Variants in SEC24D observed in about 807,000 individuals in gnomAD.
The protein encoded by SEC24D is protein transport protein Sec24D.
A neutral mutation model predicts 116.9 loss-of-function variants in SEC24D; 69 were observed. The observed-to-expected ratio is 0.59, with a 90% CI of 0.49 to 0.72. The LOEUF (loss-of-function observed/expected upper bound fraction) is 0.72. SEC24D is among the 30% of genes least tolerant of loss of function. The pLI, the probability that SEC24D is intolerant of heterozygous loss-of-function variation, is 0.00. For missense variants in SEC24D, 1,131 were observed against 1,264.1 expected (o/e 0.89, Z 1.60); for synonymous variants, 405 against 442.8 (o/e 0.91, Z 1.07).
At position 118,744,162 on chromosome 4, in the gene SEC24D, G is replaced by GA; in HGVS notation, c.1825-5dup. The GA allele has an allele frequency of 2.0e-6, 3 of 1,520,288 alleles. No homozygotes were observed. Among genetic ancestry groups the GA allele is most frequent in the African/African-American group, 1.4e-5 (1 of 70,568 alleles). The allele number at this position is 1,520,288 out of a possible 1,614,324, so 94.2% of individuals were successfully genotyped here. On this transcript the variant is annotated splice_region_variant and splice_polypyrimidine_tract_variant and intron_variant, in intron 14 of 22. Coordinates refer to ENST00000280551, the MANE Select transcript of SEC24D (RefSeq NM_014822.4). ...TTGTTTGGGGCTGGAAAAGTATCTG[G>GA]AAAAAAGATGCAAAAAAAAAGAAAA...
rs1726116290 is a variant in SEC24D, at chr4:118,739,258, A to G, written c.2268T>C (p.Gly756=). The change falls in exon 18 of 23, where the codon GGT becomes GGC. Residue 756 remains glycine (G), a synonymous_variant. Transcript: ENST00000280551. The part of the protein sequence containing the change: ...QCAVLYTTIS[G]QRRLRIHNLG... ...GATTGTGAATCCGAAGTCTTCTTTG[A>G]CCACTGATTGTCGTGTAAAGCACAG... is the stretch of plus-strand genomic sequence containing the variant. 6.2e-7 allele frequency: 1 copy of G among 1,613,556 alleles called. No homozygotes were observed. Among genetic ancestry groups the G allele is most frequent in the Admixed American group, 1.7e-5 (1 of 59,994 alleles).
intron 7 of SEC24D, among the ~76,000 whole-genome samples, chr4:118,801,457 A>G (rs1268480811): frequency 7.2e-5 from 11 of 152,174 alleles, no homozygotes; most frequent in African/African-American, 2.7e-4. Flanking sequence ...CAGCAGGAAT[A>G]CAAGTAAAGG....
chr4:118,757,642 C>T, intron 11 of SEC24D, 79 bp downstream of exon 11: 1 of 1,353,862 alleles, frequency 7.4e-7, no homozygotes, highest in South Asian at 1.4e-5. Context: ...ATCAATTGGT[C>T]ATTCAGCACT....
intron 8 of SEC24D, among the ~76,000 whole-genome samples, chr4:118,791,673 C>T (rs1214312901): frequency 1.3e-5 from 2 of 152,132 alleles, no homozygotes; most frequent in South Asian, 2.1e-4. Context: ...TGCAGGCACG[C>T]GCCGCCACGC....
chr4:118,746,242 A>AGGGG (rs1384780272), intron 13 of SEC24D, among the ~76,000 whole-genome samples: 2 of 39,774 alleles, frequency 5.0e-5, no homozygotes, highest in South Asian at 1.6e-3. Flanking sequence ...GGAGGGAGGG[A>AGGGG]GGGAGGGAAG....
chr4:118,805,920 C>T lies in SEC24D; in HGVS notation c.836G>A (p.Gly279Glu), dbSNP rs777113461. 5.6e-6 allele frequency: 9 copies of T among 1,596,020 alleles called. No individual in the cohort carries two copies. The Middle Eastern group carries it at 8.3e-4, about 147-fold the overall frequency. Residue 279 changes from glycine to glutamate, a missense_variant, in exon 7 of 23, where the codon GGA becomes GAA. Physicochemically the swap from Gly to Glu is moderately conservative, Grantham distance 98. Coordinates refer to ENST00000280551, the MANE Select transcript of SEC24D (RefSeq NM_014822.4). Reference sequence around the variant, plus strand: ...GGTGTTGGTGGCATAAACTTGTCCTCCTCTGCTGGCTCTATCATTCTCAAT... The same window carrying T: ...GGTGTTGGTGGCATAAACTTGTCCTTCTCTGCTGGCTCTATCATTCTCAAT... ...QVIENDRASR[G>E]GQVYATNTRG...
At position 118,722,953 on chromosome 4, in the gene SEC24D, T is replaced by C. The variant is rs1481040071; in HGVS notation, c.*562A>G. 2 of 152,456 alleles carry C rather than the reference T, an allele frequency of 1.3e-5. No individual in the cohort carries two copies. The highest frequency in any genetic ancestry group is 2.9e-5 in the Non-Finnish European group (2 of 67,996). The allele number at this position is 152,456 out of a possible 1,614,324, so 9.4% of individuals were successfully genotyped here. A position where few individuals can be genotyped will look rare whatever the true frequency, so the allele number is the denominator to read the frequency against. On this transcript the variant is annotated 3_prime_UTR_variant, in exon 23 of 23. Transcript: ENST00000280551. ...TTTTACAGACAAAACAACTGGAAAATAGTTTTAACATACACAATATATAAT... is the reference window on the plus strand; with the variant it reads ...TTTTACAGACAAAACAACTGGAAAACAGTTTTAACATACACAATATATAAT...
At chr4:118,749,182 A>G (rs1726700664) in intron 13 of SEC24D, among the ~76,000 whole-genome samples, 1 of 152,182 alleles carries the variant, frequency 6.6e-6, no homozygotes, top group African/African-American at 2.4e-5. Context: ...TTGAAAGACT[A>G]TGTGGGGAAA....
chr4:118,728,112 A>AT (rs1725499641), intron 22 of SEC24D, among the ~76,000 whole-genome samples: 2 of 152,188 alleles, frequency 1.3e-5, no homozygotes, highest in South Asian at 4.1e-4. Context: ...ACATATTAAA[A>AT]TTTTTTACTC....
chr4:118,814,483 T>C (rs1319384331), intron 6 of SEC24D, among the ~76,000 whole-genome samples: 3 of 152,218 alleles, frequency 2.0e-5, no homozygotes, highest in African/African-American at 4.8e-5. Context: ...TGGGGATTGT[T>C]TGCTATGCAG....
chr4:118,737,994 T>G, intron 19 of SEC24D: 1 of 287,268 alleles, frequency 3.5e-6, no homozygotes, highest in Admixed American at 4.9e-5. Context: ...AGGACACTTC[T>G]TACATATAAC....
Position 118,792,083 on chromosome 4 carries a change from C to T in SEC24D, c.1041+5600G>A, listed in dbSNP as rs546515460. 3.3e-3 allele frequency among the ~76,000 whole-genome samples: 505 copies of T among 151,542 alleles called. 3 individuals carry two copies. The highest frequency in any genetic ancestry group is 9.7e-3 in the African/African-American group (401 of 41,234). ...CGCCCATCATCTGGGATGTGGGGAG[C>T]GCCTCTGCCCCGCCGCCCCGTCTGA... is the stretch of plus-strand genomic sequence containing the variant. On this transcript the variant is annotated intron_variant, in intron 8 of 22. Transcript: ENST00000280551.
Position 118,805,889 on chromosome 4 carries a change from G to T in SEC24D, c.867C>A (p.Gly289=). The T allele has an allele frequency of 1.3e-6, 2 of 1,595,804 alleles. No homozygotes were observed. Among genetic ancestry groups the T allele is most frequent in the Non-Finnish European group, 8.5e-7 (1 of 1,172,252 alleles). Residue 289 remains glycine, a synonymous_variant, in exon 7 of 23, where the codon GGC becomes GGA. Coordinates refer to ENST00000280551, the MANE Select transcript of SEC24D (RefSeq NM_014822.4). ...CTGTAGTGACCAGGGGAGGGATCTG[G>T]CCTCTGGTGTTGGTGGCATAAACTT... ...GGQVYATNTR[G]QIPPLVTTDC...
At chr4:118,834,376 T>A (rs1420944441) in intron 1 of SEC24D, among the ~76,000 whole-genome samples, 1 of 152,144 alleles carries the variant, frequency 6.6e-6, no homozygotes, top group Non-Finnish European at 1.5e-5. Context: ...TTAAATCATA[T>A]CACATCTCTA....
intron 6 of SEC24D, among the ~76,000 whole-genome samples, chr4:118,812,190 C>T (rs986653435): frequency 3.9e-5 from 6 of 152,182 alleles, no homozygotes; most frequent in African/African-American, 9.7e-5. Context: ...ACACAAGACA[C>T]ACAATTGACA....
At chr4:118,791,186 G>A (rs1028905511) in intron 8 of SEC24D, among the ~76,000 whole-genome samples, 1 of 152,022 alleles carries the variant, frequency 6.6e-6, no homozygotes, top group Admixed American at 6.6e-5. Context: ...AACAGGTTTG[G>A]GGTGCAGAGA....
At chr4:118,789,054 AG>A (rs1272321659) in intron 8 of SEC24D, among the ~76,000 whole-genome samples, 1 of 152,260 alleles carries the variant, frequency 6.6e-6, no homozygotes. Flanking sequence ...ATAAGCTTCC[AG>A]GAAGAGCAAG....
At chr4:118,741,061 T>G in intron 15 of SEC24D, 24 bp from the exon 16 acceptor site, 1 of 1,262,604 alleles carries the variant, frequency 7.9e-7, no homozygotes. Context: ...GTCTAATCAA[T>G]GTCCACCAGA....
chr4:118,777,829 T>A (rs1330940923), intron 8 of SEC24D, among the ~76,000 whole-genome samples: 1 of 152,236 alleles, frequency 6.6e-6, no homozygotes, highest in Non-Finnish European at 1.5e-5. Flanking sequence ...GGTATCTCAT[T>A]GTGGTTTTGA....
Sources: allele counts gnomAD v4.1 joint callset (sites outside exome capture counted in the v4.1 genomes callset), GRCh38; gene constraint gnomAD v4.1.1; transcripts MANE v1.5; gene names NCBI Gene and HGNC (gene_info 2026-07-23, HGNC 2026-07-21).